The following PIP4K2A variants were observed in gnomAD, a reference collection of about 807,000 sequenced individuals.
PIP4K2A encodes phosphatidylinositol-5-phosphate 4-kinase type 2 alpha.
Under a neutral mutation model 42.9 loss-of-function variants are expected in PIP4K2A, and 14 were observed. The observed-to-expected ratio is 0.33, with a 90% confidence interval of 0.22 to 0.51. PIP4K2A has a LOEUF of 0.51. PIP4K2A is among the 20% of genes least tolerant of loss of function. PIP4K2A has a pLI of 0.97. For missense variants in PIP4K2A, 434 were observed against 519.8 expected, an observed-to-expected ratio of 0.83 and a Z score of 1.61; for synonymous variants, 192 against 192.2, an observed-to-expected ratio of 1.00 and a Z score of 0.01.
intron 1 of PIP4K2A, among the ~76,000 whole-genome samples, chr10:22,616,303 T>C (rs975167276): frequency 6.6e-6 from 1 of 152,172 alleles, no homozygotes; most frequent in Non-Finnish European, 1.5e-5. Flanking sequence ...GCACTAACCT[T>C]ACGGCTCATG....
intron 1 of PIP4K2A, among the ~76,000 whole-genome samples, chr10:22,706,430 G>GC (rs1195459643): frequency 2.1e-4 from 32 of 152,146 alleles, no homozygotes; most frequent in Non-Finnish European, 3.8e-4. Context: ...CTTTGCACCA[G>GC]CTGACCCCTC....
At chr10:22,560,998 G>A (rs1313205897) in intron 6 of PIP4K2A, among the ~76,000 whole-genome samples, 3 of 152,190 alleles carry the variant, frequency 2.0e-5, no homozygotes, top group African/African-American at 4.8e-5. Context: ...AAAGCAGCCC[G>A]CTCAGCTATA....
At chr10:22,638,664 G>C (rs7080651) in intron 1 of PIP4K2A, among the ~76,000 whole-genome samples, 15 of 152,134 alleles carry the variant, frequency 9.9e-5, no homozygotes, top group African/African-American at 3.4e-4. Flanking sequence ...TTTTTGAAGG[G>C]GGAGGGAAAA....
intron 1 of PIP4K2A, chr10:22,661,826 G>T (rs1170501347): frequency 6.6e-6 from 1 of 152,232 alleles, no homozygotes; most frequent in Non-Finnish European, 1.5e-5. Context: ...CTGAGCAGAA[G>T]TTAGAAACAC....
chr10:22,561,599 A>T (rs1836704314), intron 6 of PIP4K2A, among the ~76,000 whole-genome samples: 1 of 104,642 alleles, frequency 9.6e-6, no homozygotes, highest in Non-Finnish European at 1.8e-5. Context: ...TTTCTGAGAC[A>T]GGGTCTTGTT....
intron 1 of PIP4K2A, among the ~76,000 whole-genome samples, chr10:22,641,346 T>C (rs758270928): frequency 2.2e-4 from 34 of 152,172 alleles, no homozygotes; most frequent in African/African-American, 5.8e-4. Flanking sequence ...TCTCAGTAAA[T>C]AGATCTACAT....
chr10:22,687,025 T>C (rs1042618503), intron 1 of PIP4K2A, among the ~76,000 whole-genome samples: 1 of 152,132 alleles, frequency 6.6e-6, no homozygotes, highest in Non-Finnish European at 1.5e-5. Context: ...TGAGACCTTA[T>C]TTGTTTTACT....
intron 1 of PIP4K2A, among the ~76,000 whole-genome samples, chr10:22,702,265 C>T (rs1281027955): frequency 6.6e-6 from 1 of 152,192 alleles, no homozygotes; most frequent in African/African-American, 2.4e-5. Context: ...AAAAGACCCA[C>T]AAAGGACTGA....
At chr10:22,539,545 T>C (rs914041626) in intron 9 of PIP4K2A, 2 of 163,612 alleles carry the variant, frequency 1.2e-5, no homozygotes, top group African/African-American at 4.8e-5. Flanking sequence ...GAATATTTCA[T>C]ATTAGAACAC....
intron 1 of PIP4K2A, among the ~76,000 whole-genome samples, chr10:22,701,200 G>T (rs533562935): frequency 1.3e-5 from 2 of 152,170 alleles, no homozygotes; most frequent in Non-Finnish European, 2.9e-5. Context: ...GGGGTATCCC[G>T]CCAGAAGCTA....
At chr10:22,546,917 G>C (rs1836270895) in intron 7 of PIP4K2A, among the ~76,000 whole-genome samples, 3 of 152,310 alleles carry the variant, frequency 2.0e-5, no homozygotes, top group African/African-American at 7.2e-5. Context: ...TTCAAAGTGT[G>C]AAGATTTTTC....
chr10:22,639,386 T>C (rs534136653), intron 1 of PIP4K2A, among the ~76,000 whole-genome samples: 1 of 151,598 alleles, frequency 6.6e-6, no homozygotes, highest in Non-Finnish European at 1.5e-5. Flanking sequence ...ATTAACATTT[T>C]GATTAACTTA....
intron 3 of PIP4K2A, among the ~76,000 whole-genome samples, chr10:22,594,983 T>C (rs1837600676): frequency 6.6e-6 from 1 of 152,112 alleles, no homozygotes; most frequent in Non-Finnish European, 1.5e-5. Context: ...TTCATGAACA[T>C]GAAATAACCA....
chr10:22,683,364 A>G (rs1588705206), intron 1 of PIP4K2A, among the ~76,000 whole-genome samples: 1 of 152,126 alleles, frequency 6.6e-6, no homozygotes, highest in Admixed American at 6.6e-5. Context: ...ACAGACCCCA[A>G]GTTTTCGCAA....
intron 4 of PIP4K2A, among the ~76,000 whole-genome samples, chr10:22,588,443 G>A (rs1288948260): frequency 6.6e-6 from 1 of 152,114 alleles, no homozygotes; most frequent in Admixed American, 6.5e-5. Flanking sequence ...TTTCTCCTTG[G>A]CAACAGACTC....
chr10:22,573,828 A>G (rs1564426549), intron 4 of PIP4K2A, among the ~76,000 whole-genome samples: 1 of 152,244 alleles, frequency 6.6e-6, no homozygotes. Flanking sequence ...AGCCCTGACT[A>G]CAAGGCTGAG....
At chr10:22,642,684 A>G (rs562990582) in intron 1 of PIP4K2A, among the ~76,000 whole-genome samples, 1 of 137,136 alleles carries the variant, frequency 7.3e-6, no homozygotes, top group East Asian at 2.3e-4. Flanking sequence ...GCACATCAAA[A>G]CGATAGTTAG....
chr10:22,541,978 G>A lies in PIP4K2A; in HGVS notation c.862C>T (p.Gln288Ter). 1 of 1,614,026 alleles carries A rather than the reference G, an allele frequency of 6.2e-7. No individual in the cohort carries two copies. Among genetic ancestry groups the A allele is most frequent in the Non-Finnish European group, 8.5e-7 (1 of 1,179,978 alleles). Residue 288 changes from glutamine (Q) to a stop codon, truncating the protein, a stop_gained, in exon 8 of 10, where the codon CAG becomes TAG. Transcript: ENST00000376573. LOFTEE classifies it high-confidence loss of function. ...TTCTCCTCACACTCCACTTCCTCCT[G>A]TTCGGCTCTCTCCACATCATGAATT... ...VGIHDVERAEQEEVECEENDG... is the reference protein window; with the variant it reads ...VGIHDVERAE
At chr10:22,676,878 G>T (rs1839569985) in intron 1 of PIP4K2A, among the ~76,000 whole-genome samples, 1 of 152,170 alleles carries the variant, frequency 6.6e-6, no homozygotes, top group Non-Finnish European at 1.5e-5. Flanking sequence ...AGCTCAGAGG[G>T]ATGGCAAGAG....
Sources: allele counts gnomAD v4.1 joint callset (sites outside exome capture counted in the v4.1 genomes callset), GRCh38; gene constraint gnomAD v4.1.1; transcripts MANE v1.5; gene names NCBI Gene and HGNC (gene_info 2026-07-23, HGNC 2026-07-21).